The following FSD1L variants were observed in gnomAD, a reference collection of about 807,000 sequenced individuals.
The protein encoded by FSD1L is fibronectin type III and SPRY domain containing 1 like.
FSD1L carries 45 observed loss-of-function variants against 71.6 expected under a neutral mutation model. That is an observed-to-expected ratio of 0.63 (90% CI 0.49 to 0.81). FSD1L has a LOEUF of 0.81. FSD1L is among the 30% of genes least tolerant of loss of function. FSD1L has a pLI of 0.00. For missense variants in FSD1L, 561 were observed against 618.1 expected (o/e 0.91, Z 0.98); for synonymous variants, 197 against 207.2 (o/e 0.95, Z 0.42).
chr9:105,456,413 T>C (rs988137647), intron 1 of FSD1L, among the ~76,000 whole-genome samples: 1 of 152,244 alleles, frequency 6.6e-6, no homozygotes, highest in Non-Finnish European at 1.5e-5. Context: ...GAGCTTAAGA[T>C]AGTACTTGGC....
intron 5 of FSD1L, chr9:105,472,787 A>G (rs1831557826): frequency 6.6e-6 from 1 of 152,218 alleles, no homozygotes; most frequent in Admixed American, 6.5e-5. Flanking sequence ...TTGAGAAGGT[A>G]ACATTTGCCA....
intron 7 of FSD1L, among the ~76,000 whole-genome samples, chr9:105,501,352 G>T (rs1833748439): frequency 6.6e-6 from 1 of 151,732 alleles, no homozygotes; most frequent in South Asian, 2.1e-4. Context: ...TTTTCAGATT[G>T]TGTCCTCTTG....
intron 5 of FSD1L, among the ~76,000 whole-genome samples, chr9:105,474,440 A>G (rs1443042620): frequency 6.6e-6 from 1 of 152,182 alleles, no homozygotes; most frequent in Non-Finnish European, 1.5e-5. Flanking sequence ...GCTGCTTGCA[A>G]TTATTTTCTT....
intron 7 of FSD1L, among the ~76,000 whole-genome samples, chr9:105,488,923 G>A (rs1401914920): frequency 1.3e-5 from 2 of 151,356 alleles, no homozygotes; most frequent in Non-Finnish European, 2.9e-5. Context: ...CAAACCGTGA[G>A]GTGATGGCAA....
chr9:105,539,218 C>T, intron 12 of FSD1L, 45 bp from the exon 13 acceptor site: 2 of 886,978 alleles, frequency 2.3e-6, no homozygotes, highest in Admixed American at 3.0e-5. Context: ...TTAAATGTTA[C>T]AATTTTTTGT....
intron 10 of FSD1L, among the ~76,000 whole-genome samples, chr9:105,527,570 A>G (rs1835591312): frequency 2.6e-5 from 4 of 152,166 alleles, no homozygotes; most frequent in Admixed American, 2.6e-4. Context: ...TATTGGTACT[A>G]ACTGCATGTG....
chr9:105,497,207 G>A (rs1435593449), intron 7 of FSD1L, among the ~76,000 whole-genome samples: 1 of 152,130 alleles, frequency 6.6e-6, no homozygotes, highest in African/African-American at 2.4e-5. Flanking sequence ...TGCATACTTG[G>A]AATAAATACC....
At chr9:105,474,483 G>T (rs1251048221) in intron 5 of FSD1L, among the ~76,000 whole-genome samples, 1 of 152,166 alleles carries the variant, frequency 6.6e-6, no homozygotes, top group Non-Finnish European at 1.5e-5. Flanking sequence ...ATAATAATTT[G>T]ATTTCAAGTA....
intron 1 of FSD1L, among the ~76,000 whole-genome samples, chr9:105,452,839 A>C (rs1450093729): frequency 6.6e-6 from 1 of 151,798 alleles, no homozygotes; most frequent in African/African-American, 2.4e-5. Context: ...TGCTCAAGCT[A>C]TCCTCCCAGC....
Position 105,551,910 on chromosome 9 carries a change from G to A in FSD1L, c.*5427G>A, listed in dbSNP as rs1440110330. 5 of 152,144 alleles carry A rather than the reference G, an allele frequency of 3.3e-5. No homozygotes were observed. Among genetic ancestry groups the A allele is most frequent in the Non-Finnish European group, 7.3e-5 (5 of 68,028 alleles). 9.4% of individuals were successfully genotyped at this position (152,144 alleles called of 1,614,324 possible). ...AAACAACCAAATGGCTGGGCAGCTT[G>A]TTGTCACGGATAAATGATATAAAAT... On this transcript the variant is annotated 3_prime_UTR_variant, in exon 14 of 14. Transcript: ENST00000481272.
chr9:105,527,460 A>G (rs2131450666), intron 10 of FSD1L, among the ~76,000 whole-genome samples: 1 of 152,294 alleles, frequency 6.6e-6, no homozygotes, highest in African/African-American at 2.4e-5. Flanking sequence ...TTGCAGGTCC[A>G]GGTTGGTATA....
intron 10 of FSD1L, 45 bp downstream of exon 10, chr9:105,512,981 A>G: frequency 7.1e-7 from 1 of 1,415,316 alleles, no homozygotes; most frequent in Non-Finnish European, 9.3e-7. Flanking sequence ...ATGCTTGTAC[A>G]CTGGTTCTTA....
rs539675481 is a variant in FSD1L, at chr9:105,524,740, A to T, written c.1026-9753A>T. ...CAGCCAGTAACAGAAGTGAAAACTC[A>T]AATGCAGCATGGATTAATCTCTATA... On this transcript the variant is annotated intron_variant, in intron 10 of 13. Transcript: ENST00000481272. 31 of 1,611,972 alleles carry T rather than the reference A, an allele frequency of 1.9e-5. No homozygotes were observed. In the Admixed American group the frequency reaches 2.2e-4, roughly 11 times the overall value.
intron 7 of FSD1L, 106 bp downstream of exon 7, chr9:105,484,608 A>T: frequency 1.6e-6 from 1 of 634,204 alleles, no homozygotes; most frequent in Non-Finnish European, 2.3e-6. Flanking sequence ...GTATAGTGTG[A>T]TTTTTTTTTC....
chr9:105,520,561 T>C, intron 10 of FSD1L: 2 of 1,301,294 alleles, frequency 1.5e-6, no homozygotes, highest in Non-Finnish European at 2.2e-6. Context: ...TCATCAGCCA[T>C]GGCAGTTTCA....
intron 9 of FSD1L, among the ~76,000 whole-genome samples, chr9:105,509,802 A>G (rs896928862): frequency 2.0e-5 from 3 of 152,202 alleles, no homozygotes; most frequent in Non-Finnish European, 4.4e-5. Flanking sequence ...CAAGGAATGC[A>G]GTTAACTCTG....
chr9:105,486,739 GCTT>G (rs1832576330), intron 7 of FSD1L, among the ~76,000 whole-genome samples: 4 of 152,060 alleles, frequency 2.6e-5, no homozygotes, highest in Admixed American at 2.6e-4. Flanking sequence ...GTCCTTTCCT[GCTT>G]ATCTGTTTAC....
rs117578700 is a variant in FSD1L at position 105,534,138 on chromosome 9, C to T, written c.1026-355C>T. On this transcript the variant is annotated intron_variant, in intron 10 of 13. Transcript: ENST00000481272. ...ACCTATTTTTGCCTTCATTTAACTGCAAAAAAATGTAAGCTGTAACTCATT... is the reference window on the plus strand; with the variant it reads ...ACCTATTTTTGCCTTCATTTAACTGTAAAAAAATGTAAGCTGTAACTCATT... Among the ~76,000 whole-genome samples, 60 of 152,114 alleles carry T rather than the reference C, an allele frequency of 3.9e-4. No homozygotes were observed. The East Asian group carries it at 7.7e-3, about 20-fold the overall frequency.
At chr9:105,451,317 A>G (rs1316695727) in intron 1 of FSD1L, among the ~76,000 whole-genome samples, 3 of 152,210 alleles carry the variant, frequency 2.0e-5, no homozygotes, top group African/African-American at 4.8e-5. Context: ...AACGATTCAC[A>G]TGGTGGTTCC....
Sources: gnomAD v4.1 joint callset for allele counts (sites outside exome capture counted in the v4.1 genomes callset) on GRCh38, gnomAD v4.1.1 for gene constraint, MANE v1.5 for transcripts, NCBI Gene and HGNC (gene_info 2026-07-23, HGNC 2026-07-21) for gene names.